Variants in SLC35F4 observed in about 807,000 individuals in gnomAD.
SLC35F4 encodes solute carrier family 35 member F4, also known as chromosome 14 open reading frame 36.
In SLC35F4, 24 loss-of-function variants were observed where a neutral mutation model predicts 44.2. That is an observed-to-expected ratio of 0.54 (90% CI 0.39 to 0.76). SLC35F4 has a LOEUF of 0.76. Ranked by LOEUF, SLC35F4 falls within the 30% of genes least tolerant of loss-of-function variation. The pLI is 0.00. For synonymous variants in SLC35F4, 238 were observed against 223.6 expected (o/e 1.06, Z -0.57); for missense variants, 562 against 586.1 (o/e 0.96, Z 0.42).
intron 1 of SLC35F4, among the ~76,000 whole-genome samples, chr14:57,931,204 A>G (rs1229042238): frequency 6.6e-6 from 1 of 152,208 alleles, no homozygotes; most frequent in East Asian, 1.9e-4. Context: ...TGCCACTTCT[A>G]GTACACTTCA....
At chr14:57,969,686 A>G (rs983136569) in intron 1 of SLC35F4, among the ~76,000 whole-genome samples, 1 of 152,202 alleles carries the variant, frequency 6.6e-6, no homozygotes, top group Non-Finnish European at 1.5e-5. Flanking sequence ...AGCCTATGAG[A>G]TACGCCATAA....
intron 1 of SLC35F4, among the ~76,000 whole-genome samples, chr14:57,827,056 C>T (rs1171059709): frequency 6.6e-6 from 1 of 152,094 alleles, no homozygotes; most frequent in East Asian, 1.9e-4. Context: ...GATATATGCA[C>T]ACGTATGTTC....
intron 1 of SLC35F4, among the ~76,000 whole-genome samples, chr14:57,759,855 T>C (rs2077081583): frequency 6.6e-6 from 1 of 151,416 alleles, no homozygotes; most frequent in Non-Finnish European, 1.5e-5. Flanking sequence ...ATTTTAAAAT[T>C]AGATTATTTG....
At chr14:57,904,833 A>C (rs1889076629) in intron 1 of SLC35F4, among the ~76,000 whole-genome samples, 1 of 152,036 alleles carries the variant, frequency 6.6e-6, no homozygotes, top group African/African-American at 2.4e-5. Context: ...ATCTGCTCTG[A>C]CTCTATCCCA....
intron 1 of SLC35F4, among the ~76,000 whole-genome samples, chr14:57,873,332 C>A (rs1888333490): frequency 6.6e-6 from 1 of 152,152 alleles, no homozygotes; most frequent in South Asian, 2.1e-4. Context: ...CATTTAAAGT[C>A]TCTACTAGTT....
intron 1 of SLC35F4, among the ~76,000 whole-genome samples, chr14:57,844,026 C>T (rs536605867): frequency 6.6e-6 from 1 of 152,202 alleles, no homozygotes; most frequent in East Asian, 1.9e-4. Flanking sequence ...CCTTGTACTC[C>T]CCCAAGCAAT....
At chr14:57,856,273 A>G (rs1887080028) in intron 1 of SLC35F4, among the ~76,000 whole-genome samples, 1 of 152,016 alleles carries the variant, frequency 6.6e-6, no homozygotes, top group Non-Finnish European at 1.5e-5. Context: ...ATAGCTATGT[A>G]ACAAAACTGC....
chr14:57,703,679 T>G (rs2075599367), intron 1 of SLC35F4, among the ~76,000 whole-genome samples: 1 of 152,208 alleles, frequency 6.6e-6, no homozygotes. Flanking sequence ...ATAATCAAGC[T>G]ATTCTCATAC....
intron 1 of SLC35F4, among the ~76,000 whole-genome samples, chr14:57,751,330 A>T (rs1290608215): frequency 1.3e-5 from 2 of 152,168 alleles, no homozygotes; most frequent in East Asian, 3.8e-4. Context: ...TACTTTAAAG[A>T]TGAGAAAATT....
chr14:57,633,218 A>G (rs1454359805), intron 1 of SLC35F4, among the ~76,000 whole-genome samples: 1 of 152,154 alleles, frequency 6.6e-6, no homozygotes, highest in Non-Finnish European at 1.5e-5. Context: ...TTTTGCAGAC[A>G]TAAGTTTTCA....
At chr14:57,789,840 C>T (rs1566856108) in intron 1 of SLC35F4, among the ~76,000 whole-genome samples, 1 of 152,204 alleles carries the variant, frequency 6.6e-6, no homozygotes, top group Non-Finnish European at 1.5e-5. Flanking sequence ...GCTGGTTCAA[C>T]ATACACACAT....
At chr14:57,698,176 T>C (rs920204019) in intron 1 of SLC35F4, among the ~76,000 whole-genome samples, 1 of 152,224 alleles carries the variant, frequency 6.6e-6, no homozygotes, top group Non-Finnish European at 1.5e-5. Context: ...GTTTCTATGA[T>C]TGCTTTCCCC....
At chr14:57,602,025 G>A (rs1328276872) in intron 1 of SLC35F4, among the ~76,000 whole-genome samples, 1 of 152,064 alleles carries the variant, frequency 6.6e-6, no homozygotes, top group African/African-American at 2.4e-5. Context: ...CCTTCTGTAG[G>A]CAAAAAGGTT....
At chr14:57,862,385 GTAAGA>G (rs757623332) in intron 1 of SLC35F4, among the ~76,000 whole-genome samples, 2 of 152,196 alleles carry the variant, frequency 1.3e-5, no homozygotes, top group Admixed American at 6.5e-5. Flanking sequence ...TGATCTTTGT[GTAAGA>G]TAAGTCACAT....
intron 1 of SLC35F4, among the ~76,000 whole-genome samples, chr14:57,705,870 T>G (rs1009943013): frequency 6.6e-6 from 1 of 152,224 alleles, no homozygotes; most frequent in Non-Finnish European, 1.5e-5. Context: ...GAAGTTAGTT[T>G]TTTTTCTCCC....
rs77173992 is a variant in SLC35F4, at chr14:57,577,340, C to G, written c.807+3874G>C. On this transcript the variant is annotated intron_variant, in intron 4 of 7. Transcript: ENST00000556826. Reference sequence around the variant, plus strand: ...TTGAAAACAGCTATAGTTTGGGAAGCTAACTAACTGCACAGGGACCCAAAT... The same window carrying G: ...TTGAAAACAGCTATAGTTTGGGAAGGTAACTAACTGCACAGGGACCCAAAT... 2.2e-4 allele frequency among the ~76,000 whole-genome samples: 34 copies of G among 152,196 alleles called. No homozygotes were observed. The East Asian group carries it at 5.4e-3, about 24-fold the overall frequency.
At chr14:57,957,478 G>A (rs1045389226) in intron 1 of SLC35F4, among the ~76,000 whole-genome samples, 1 of 151,486 alleles carries the variant, frequency 6.6e-6, no homozygotes, top group African/African-American at 2.4e-5. Context: ...TACAAATTTT[G>A]CAAATTCACC....
At chr14:57,822,719 A>G (rs1235986385) in intron 1 of SLC35F4, among the ~76,000 whole-genome samples, 3 of 152,166 alleles carry the variant, frequency 2.0e-5, no homozygotes, top group Non-Finnish European at 4.4e-5. Context: ...TAGGGTTCTG[A>G]TTATCTATTG....
intron 1 of SLC35F4, among the ~76,000 whole-genome samples, chr14:57,981,228 A>G (rs1473439418): frequency 6.6e-6 from 1 of 152,218 alleles, no homozygotes; most frequent in African/African-American, 2.4e-5. Flanking sequence ...TAACCAGACC[A>G]TCCCACTGTG....
Sources: gnomAD v4.1 joint callset for allele counts (sites outside exome capture counted in the v4.1 genomes callset) on GRCh38, gnomAD v4.1.1 for gene constraint, MANE v1.5 for transcripts, NCBI Gene and HGNC (gene_info 2026-07-23, HGNC 2026-07-21) for gene names.